CLSTN2: variants seen among roughly 807,000 people sequenced by gnomAD.
The protein encoded by CLSTN2 is calsyntenin 2, also known as calsyntenin-2.
In CLSTN2, 48 loss-of-function variants were observed where a neutral mutation model predicts 101.2. That is an observed-to-expected ratio of 0.47 (90% CI 0.38 to 0.60). The LOEUF is 0.60. Ranked by LOEUF, CLSTN2 falls within the 20% of genes least tolerant of loss-of-function variation. The pLI, the probability that CLSTN2 is intolerant of heterozygous loss-of-function variation, is 0.00. For synonymous variants in CLSTN2, 481 were observed against 463.6 expected (o/e 1.04, Z -0.48); for missense variants, 1,160 against 1,238.2 (o/e 0.94, Z 0.95).
At chr3:140,418,999 T>C (rs186889849) in intron 4 of CLSTN2, among the ~76,000 whole-genome samples, 288 of 151,336 alleles carry the variant, frequency 1.9e-3, no homozygotes, top group Non-Finnish European at 2.9e-3. Context: ...ACCAATACTC[T>C]TTCACTAATA....
At chr3:140,327,372 C>T (rs1284905781) in intron 2 of CLSTN2, among the ~76,000 whole-genome samples, 1 of 152,178 alleles carries the variant, frequency 6.6e-6, no homozygotes, top group Non-Finnish European at 1.5e-5. Flanking sequence ...GCCTCTGTTG[C>T]CCTAGCAACA....
intron 5 of CLSTN2, among the ~76,000 whole-genome samples, chr3:140,433,484 T>C (rs2088656774): frequency 1.3e-5 from 2 of 152,252 alleles, no homozygotes; most frequent in Non-Finnish European, 2.9e-5. Context: ...ACAGTCTGCC[T>C]ACTCCCTCTT....
intron 1 of CLSTN2, among the ~76,000 whole-genome samples, chr3:140,050,313 T>C (rs769089319): frequency 7.9e-5 from 12 of 152,152 alleles, no homozygotes; most frequent in Non-Finnish European, 1.3e-4. Flanking sequence ...TGAGAGACCA[T>C]TGGAGAAAGG....
chr3:140,321,512 C>T (rs953253635), intron 2 of CLSTN2, among the ~76,000 whole-genome samples: 6 of 152,176 alleles, frequency 3.9e-5, no homozygotes, highest in Non-Finnish European at 8.8e-5. Flanking sequence ...AGGTCCCCTG[C>T]CCTAAGCTGG....
intron 2 of CLSTN2, among the ~76,000 whole-genome samples, chr3:140,206,456 C>G (rs1324382591): frequency 6.6e-6 from 1 of 152,176 alleles, no homozygotes; most frequent in African/African-American, 2.4e-5. Flanking sequence ...GGAATCACAG[C>G]CCCAGCCAGC....
intron 2 of CLSTN2, among the ~76,000 whole-genome samples, chr3:140,235,166 A>G (rs562114862): frequency 3.1e-4 from 47 of 152,292 alleles, no homozygotes; most frequent in African/African-American, 1.1e-3. Context: ...AAGTTTCAAA[A>G]TATATTCGTT....
intron 1 of CLSTN2, among the ~76,000 whole-genome samples, chr3:140,104,340 A>G (rs1295288130): frequency 2.6e-5 from 4 of 152,234 alleles, no homozygotes; most frequent in African/African-American, 9.6e-5. Flanking sequence ...TTCTTCTCCA[A>G]GAAAGAGCTG....
chr3:140,296,725 G>A (rs11917245), intron 2 of CLSTN2, among the ~76,000 whole-genome samples: 4,180 of 152,236 alleles, frequency 0.027, 104 homozygotes, highest in South Asian at 0.083. Flanking sequence ...TTCTGGCTCC[G>A]ACCATCTGTC....
At chr3:140,199,456 A>G (rs2010690891) in intron 2 of CLSTN2, among the ~76,000 whole-genome samples, 1 of 152,168 alleles carries the variant, frequency 6.6e-6, no homozygotes, top group African/African-American at 2.4e-5. Context: ...TTTGAAACCT[A>G]GTAGGCATTT....
At chr3:140,107,629 C>T (rs370394973) in intron 1 of CLSTN2, among the ~76,000 whole-genome samples, 8 of 152,210 alleles carry the variant, frequency 5.3e-5, no homozygotes, top group South Asian at 4.1e-4. Flanking sequence ...GAAAATTTTC[C>T]TGTTTGTCTC....
chr3:140,091,471 G>C (rs532382119), intron 1 of CLSTN2, among the ~76,000 whole-genome samples: 1 of 152,242 alleles, frequency 6.6e-6, no homozygotes, highest in East Asian at 1.9e-4. Flanking sequence ...AAACACCAGA[G>C]CCTGCCTGGG....
intron 2 of CLSTN2, among the ~76,000 whole-genome samples, chr3:140,202,226 A>G (rs1181482676): frequency 1.3e-5 from 2 of 152,202 alleles, no homozygotes; most frequent in African/African-American, 4.8e-5. Context: ...TATATTGAGA[A>G]GAGGTTACAG....
chr3:140,377,254 A>G (rs1031626449), intron 2 of CLSTN2, among the ~76,000 whole-genome samples: 12 of 152,274 alleles, frequency 7.9e-5, no homozygotes, highest in African/African-American at 2.7e-4. Context: ...ATATAAAAGT[A>G]TAGCACACAC....
chr3:140,010,743 G>T (rs1305346345), intron 1 of CLSTN2, among the ~76,000 whole-genome samples: 3 of 152,218 alleles, frequency 2.0e-5, no homozygotes, highest in Non-Finnish European at 4.4e-5. Context: ...TCTTCAGCAT[G>T]CTAGACTTCC....
intron 1 of CLSTN2, among the ~76,000 whole-genome samples, chr3:140,162,664 A>G (rs1337924990): frequency 6.6e-6 from 1 of 152,160 alleles, no homozygotes; most frequent in Non-Finnish European, 1.5e-5. Context: ...TCTACCTCTT[A>G]TACTCTGTAT....
At chr3:139,984,060 C>T (rs1243935821) in intron 1 of CLSTN2, among the ~76,000 whole-genome samples, 1 of 152,118 alleles carries the variant, frequency 6.6e-6, no homozygotes, top group Non-Finnish European at 1.5e-5. Flanking sequence ...ATTGATCTGC[C>T]TCTTTAATCA....
intron 2 of CLSTN2, among the ~76,000 whole-genome samples, chr3:140,284,103 T>C (rs551443730): frequency 1.3e-5 from 2 of 152,292 alleles, no homozygotes; most frequent in South Asian, 4.1e-4. Context: ...AAAAGAACAG[T>C]TTTTATTTTA....
chr3:140,517,774 G>A (rs527777772), intron 8 of CLSTN2, among the ~76,000 whole-genome samples: 1 of 152,234 alleles, frequency 6.6e-6, no homozygotes, highest in South Asian at 2.1e-4. Context: ...TTTGTTTATT[G>A]TACTAATTTT....
At chr3:140,468,643 G>A (rs1436434963) in intron 8 of CLSTN2, among the ~76,000 whole-genome samples, 1 of 152,220 alleles carries the variant, frequency 6.6e-6, no homozygotes, top group Admixed American at 6.5e-5. Flanking sequence ...TGTGTGGCAA[G>A]AGACTGAGGT....
Sources: allele counts gnomAD v4.1 joint callset (sites outside exome capture counted in the v4.1 genomes callset), GRCh38; gene constraint gnomAD v4.1.1; transcripts MANE v1.5; gene names NCBI Gene and HGNC (gene_info 2026-07-23, HGNC 2026-07-21).